ZMYND8: variants seen among roughly 807,000 people sequenced by gnomAD.
ZMYND8 encodes zinc finger MYND-type containing 8.
A neutral mutation model predicts 140.8 loss-of-function variants in ZMYND8; 37 were observed. The ratio of observed to expected loss-of-function variants is 0.26; its 90% CI spans 0.20 to 0.35. The LOEUF (loss-of-function observed/expected upper bound fraction) is 0.35, where lower values mean the gene tolerates loss of function less well. Among genes scored for constraint, ZMYND8 ranks in the 10% least tolerant of loss-of-function variants. ZMYND8 has a pLI of 1.00. For missense variants in ZMYND8, 1,068 were observed against 1,570.0 expected, an observed-to-expected ratio of 0.68 and a Z score of 5.40; for synonymous variants, 592 against 597.1, an observed-to-expected ratio of 0.99 and a Z score of 0.12.
rs771974375 is a variant in ZMYND8, at chr20:47,229,779, T to C, written c.2884A>G (p.Thr962Ala). The change falls in exon 17 of 23, where the codon ACA (threonine) becomes GCA (alanine). Residue 962 changes from threonine (T) to alanine (A), a missense_variant. By Grantham distance (58) the Thr-to-Ala change is moderately conservative (BLOSUM62 0). Coordinates refer to ENST00000471951, the MANE Select transcript of ZMYND8 (RefSeq NM_001281775.3). ...KMMDAIKGTMTEIYNDLSKNT... is the reference protein window; with the variant it reads ...KMMDAIKGTMAEIYNDLSKNT... ...TTAGAAAGATCGTTGTATATTTCTG[T>C]CATTGTTCCTTTTATTGCATCCATC... 2.5e-6 allele frequency: 4 copies of C among 1,613,746 alleles called. No homozygotes were observed. The highest frequency in any genetic ancestry group is 1.3e-5 in the African/African-American group (1 of 75,042).
At chr20:47,274,727 G>A (rs548944783) in intron 11 of ZMYND8, among the ~76,000 whole-genome samples, 52 of 152,276 alleles carry the variant, frequency 3.4e-4, no homozygotes, top group Admixed American at 2.8e-3. Flanking sequence ...GATATAGACT[G>A]CAGCCTTTAT....
rs558588220 is a variant in ZMYND8 at position 47,282,973 on chromosome 20, C to T, written c.882+598G>A. Among the ~76,000 whole-genome samples, 13 of 152,202 alleles carry T rather than the reference C, an allele frequency of 8.5e-5. No homozygotes were observed. The South Asian group carries it at 2.3e-3, about 27-fold the overall frequency. Reference sequence around the variant, plus strand: ...ATTCCGGTGTTAATCTCCAAAAGCACGAAGAGATGCAAAGTATATTTTCTC... The same window carrying T: ...ATTCCGGTGTTAATCTCCAAAAGCATGAAGAGATGCAAAGTATATTTTCTC... On this transcript the variant is annotated intron_variant, in intron 9 of 22. Transcript: ENST00000471951.
chr20:47,254,987 T>G (rs573893139), intron 12 of ZMYND8, among the ~76,000 whole-genome samples: 1 of 152,004 alleles, frequency 6.6e-6, no homozygotes, highest in East Asian at 1.9e-4. Context: ...CTACTAAAAA[T>G]ACAAAAATTA....
At chr20:47,327,926 G>A (rs371316089) in intron 2 of ZMYND8, among the ~76,000 whole-genome samples, 3 of 152,062 alleles carry the variant, frequency 2.0e-5, no homozygotes, top group African/African-American at 4.8e-5. Context: ...GTGATCCTCC[G>A]GCCTCAGCCT....
chr20:47,299,605 C>T (rs1011436019), intron 3 of ZMYND8, among the ~76,000 whole-genome samples: 1 of 151,906 alleles, frequency 6.6e-6, no homozygotes, highest in East Asian at 1.9e-4. Context: ...TTTTCAGAGA[C>T]GGAGTCTCGC....
chr20:47,356,437 G>A lies in ZMYND8; in HGVS notation c.14+220C>T, dbSNP rs2083248520. The A allele has an allele frequency of 1.9e-6, 3 of 1,541,530 alleles. No individual in the cohort carries two copies. In the African/African-American group the frequency reaches 4.1e-5, roughly 21 times the overall value. On this transcript the variant is annotated intron_variant, in intron 1 of 22. Transcript: ENST00000471951. ...CATGCCCTGGTGGAAGGAAAGGTGT[G>A]CCAGGCCCTTGCCAGTTTGCAAAAT...
At chr20:47,250,236 G>T (rs958169521) in intron 12 of ZMYND8, among the ~76,000 whole-genome samples, 1 of 152,156 alleles carries the variant, frequency 6.6e-6, no homozygotes, top group Non-Finnish European at 1.5e-5. Context: ...TCCAAAGTCA[G>T]TGAGCTTACA....
In ZMYND8 at chr20:47,210,412, C is replaced by CTT. The variant is rs770865032; in HGVS notation, c.*347_*348dup. 1.9e-4 allele frequency: 19 copies of CTT among 102,464 alleles called. No homozygotes were observed. Among genetic ancestry groups the CTT allele is most frequent in the African/African-American group, 2.7e-4 (6 of 22,358 alleles). The allele number at this position is 102,464 out of a possible 1,614,324, so 6.3% of individuals were successfully genotyped here. On this transcript the variant is annotated 3_prime_UTR_variant, in exon 23 of 23. Transcript: ENST00000471951. ...TCTTTTTTGTTGTTGGGGTTGGTTG[C>CTT]TTTTTTTTTTTTTTTTAAATCGTTT...
At chr20:47,290,567 A>AGTTTATTTATTTAAACAGGG (rs2077189616) in intron 6 of ZMYND8, among the ~76,000 whole-genome samples, 1 of 145,734 alleles carries the variant, frequency 6.9e-6, no homozygotes, top group Non-Finnish European at 1.5e-5. Context: ...AATAAACAGG[A>AGTTTATTTATTTAAACAGGG]TAGTTTATTT....
At chr20:47,216,599 G>C (rs1276115853) in intron 21 of ZMYND8, among the ~76,000 whole-genome samples, 2 of 151,326 alleles carry the variant, frequency 1.3e-5, no homozygotes, top group African/African-American at 4.9e-5. Context: ...CCTGAGGTCA[G>C]GGGTTCAAGA....
intron 2 of ZMYND8, among the ~76,000 whole-genome samples, chr20:47,328,852 G>A (rs1182863997): frequency 6.6e-6 from 1 of 152,220 alleles, no homozygotes; most frequent in Non-Finnish European, 1.5e-5. Flanking sequence ...GTCTAAAGAG[G>A]TGAGAGTTAT....
intron 12 of ZMYND8, 61 bp downstream of exon 12, chr20:47,262,227 C>G (rs746388778): frequency 1.6e-5 from 25 of 1,610,010 alleles, no homozygotes; most frequent in Non-Finnish European, 2.1e-5. Flanking sequence ...CAAGAGGATA[C>G]GTCATTTGCA....
At chr20:47,264,086 G>C (rs2075336381) in intron 11 of ZMYND8, among the ~76,000 whole-genome samples, 1 of 152,112 alleles carries the variant, frequency 6.6e-6, no homozygotes, top group Admixed American at 6.5e-5. Flanking sequence ...ACAAGAAAGA[G>C]TTATCTGGCC....
At chr20:47,270,439 TA>T (rs2075847066) in intron 11 of ZMYND8, among the ~76,000 whole-genome samples, 2 of 150,660 alleles carry the variant, frequency 1.3e-5, no homozygotes, top group South Asian at 4.2e-4. Flanking sequence ...AATACAAGGT[TA>T]AGCTTTAAAA....
rs781539560 is a variant in ZMYND8, at chr20:47,290,174, C to CT, written c.748+12dup. The CT allele has an allele frequency of 6.2e-7, 1 of 1,612,244 alleles. No individual in the cohort carries two copies. The highest frequency in any genetic ancestry group is 1.7e-5 in the Admixed American group (1 of 59,670). On this transcript the variant is annotated intron_variant, in intron 7 of 22. Transcript: ENST00000471951. ...CAGCATACTCTTTCTTAGGAGTCAT[C>CT]TAAGCCACTCACCCCCATTATAAAT...
At chr20:47,282,320 C>G in intron 9 of ZMYND8, 103 bp from the exon 10 acceptor site, 3 of 941,316 alleles carry the variant, frequency 3.2e-6, no homozygotes, top group Non-Finnish European at 4.8e-6. Flanking sequence ...GGACACAGGC[C>G]ATGAGTGGAA....
At position 47,239,122 on chromosome 20, in the gene ZMYND8, T is replaced by C. The variant is rs764450748; in HGVS notation, c.2301A>G (p.Pro767=). 2 of 1,500,074 alleles carry C rather than the reference T, an allele frequency of 1.3e-6. No homozygotes were observed. The highest frequency in any genetic ancestry group is 2.3e-5 in the East Asian group (1 of 43,920). The allele number at this position is 1,500,074 out of a possible 1,614,324, so 92.9% of individuals were successfully genotyped here. The change falls in exon 15 of 23, where the codon CCA becomes CCG. Residue 767 remains proline, a synonymous_variant. Transcript: ENST00000471951. ...AATGGCTGCCCACCGTCGTGGATGGTGGAGTTTTACCTACAACTAGCCAAT... is the reference window on the plus strand; with the variant it reads ...AATGGCTGCCCACCGTCGTGGATGGCGGAGTTTTACCTACAACTAGCCAAT... ...SPKQDVVGKT[P]PSTTVGSHSP...
At chr20:47,317,958 C>T (rs912511562) in intron 2 of ZMYND8, among the ~76,000 whole-genome samples, 4 of 152,144 alleles carry the variant, frequency 2.6e-5, no homozygotes, top group Admixed American at 2.0e-4. Context: ...TAATACCTGG[C>T]AAATAGTAAG....
In ZMYND8 at chr20:47,276,342, C is replaced by T; in HGVS notation, c.1452G>A (p.Glu484=). Residue 484 remains glutamate, a synonymous_variant, in exon 11 of 23, where the codon GAG becomes GAA. Transcript: ENST00000471951. The part of the protein sequence containing the change: ...ATSSHFSASE[E]SMDFLDKSTA... ...TGCTCTTATCCAGGAAGTCCATGGA[C>T]TCCTCGCTCGCACTGAAGTGGCTCG... 8.8e-6 allele frequency: 14 copies of T among 1,585,150 alleles called. No homozygotes were observed. The highest frequency in any genetic ancestry group is 1.2e-5 in the Non-Finnish European group (14 of 1,161,492).
Sources: allele counts gnomAD v4.1 joint callset (sites outside exome capture counted in the v4.1 genomes callset), GRCh38; gene constraint gnomAD v4.1.1; transcripts MANE v1.5; gene names NCBI Gene and HGNC (gene_info 2026-07-23, HGNC 2026-07-21).